The following CSMD3 variants were observed in gnomAD, a reference collection of about 807,000 sequenced individuals.
CSMD3 encodes CUB and sushi domain-containing protein 3.
CSMD3 carries 177 observed loss-of-function variants against 435.2 expected under a neutral mutation model. The observed-to-expected ratio is 0.41, with a 90% CI of 0.36 to 0.46. The LOEUF is 0.46. Ranked by LOEUF, CSMD3 falls within the 20% of genes least tolerant of loss-of-function variation. The pLI, the probability that CSMD3 is intolerant of heterozygous loss-of-function variation, is 0.34. For synonymous variants in CSMD3, 1,656 were observed against 1,520.5 expected, an observed-to-expected ratio of 1.09 and a Z score of -2.07; for missense variants, 4,265 against 4,504.6, an observed-to-expected ratio of 0.95 and a Z score of 1.52.
chr8:112,464,524 C>A (rs940165145), intron 32 of CSMD3, among the ~76,000 whole-genome samples: 2 of 151,756 alleles, frequency 1.3e-5, no homozygotes, highest in African/African-American at 2.4e-5. Context: ...GGAGACCTTC[C>A]CTCCTCTGAA....
chr8:112,541,722 C>T (rs753185428), intron 27 of CSMD3, among the ~76,000 whole-genome samples: 6 of 151,668 alleles, frequency 4.0e-5, no homozygotes, highest in Admixed American at 1.3e-4. Flanking sequence ...CACCAACCCC[C>T]GCAAATTGAA....
intron 38 of CSMD3, among the ~76,000 whole-genome samples, chr8:112,355,835 A>T (rs910368924): frequency 6.6e-6 from 1 of 152,090 alleles, no homozygotes; most frequent in Non-Finnish European, 1.5e-5. Context: ...TCTGTCAAAA[A>T]AAATAAATAG....
chr8:113,019,949 G>A (rs893660363), intron 5 of CSMD3, among the ~76,000 whole-genome samples: 1 of 151,346 alleles, frequency 6.6e-6, no homozygotes, highest in Non-Finnish European at 1.5e-5. Context: ...GGATCATGAG[G>A]TCAGGAGATC....
chr8:113,180,163 C>A (rs1355969899), intron 3 of CSMD3, among the ~76,000 whole-genome samples: 1 of 151,850 alleles, frequency 6.6e-6, no homozygotes, highest in Non-Finnish European at 1.5e-5. Context: ...GGGTTTATTT[C>A]CCAGATGATT....
chr8:113,099,061 CA>C, intron 4 of CSMD3, 98 bp from the exon 5 acceptor site: 4 of 797,382 alleles, frequency 5.0e-6, no homozygotes, highest in Non-Finnish European at 8.6e-6. Flanking sequence ...ATAAAAATAA[CA>C]GTTCAAATGT....
chr8:113,254,289 T>G (rs1011001634), intron 3 of CSMD3, among the ~76,000 whole-genome samples: 4 of 152,172 alleles, frequency 2.6e-5, no homozygotes, highest in Non-Finnish European at 5.9e-5. Flanking sequence ...GCCTAAAAAA[T>G]TGAGCTACAG....
intron 4 of CSMD3, among the ~76,000 whole-genome samples, chr8:113,168,427 A>G (rs2092197015): frequency 7.0e-6 from 1 of 143,632 alleles, no homozygotes; most frequent in East Asian, 2.2e-4. Flanking sequence ...AGGCTGAGGC[A>G]GGAGAATCGC....
At chr8:112,806,422 A>C (rs540013009) in intron 12 of CSMD3, among the ~76,000 whole-genome samples, 4 of 152,218 alleles carry the variant, frequency 2.6e-5, no homozygotes, top group African/African-American at 9.6e-5. Context: ...TAGCATATAA[A>C]CTTTTTAAAA....
chr8:112,691,948 T>A (rs1407977639), intron 13 of CSMD3, among the ~76,000 whole-genome samples: 1 of 151,706 alleles, frequency 6.6e-6, no homozygotes. Context: ...CTATAGGTGC[T>A]CGTGCCACCA....
At chr8:113,083,484 C>T (rs1404013837) in intron 5 of CSMD3, among the ~76,000 whole-genome samples, 1 of 151,958 alleles carries the variant, frequency 6.6e-6, no homozygotes, top group South Asian at 2.1e-4. Flanking sequence ...TTCATCACCC[C>T]TATAATGGTC....
At chr8:112,429,020 C>A (rs538453086) in intron 32 of CSMD3, among the ~76,000 whole-genome samples, 1 of 152,210 alleles carries the variant, frequency 6.6e-6, no homozygotes. Flanking sequence ...ATATGCATCA[C>A]CTCACAAAGT....
intron 22 of CSMD3, among the ~76,000 whole-genome samples, chr8:112,625,568 T>C (rs896785519): frequency 1.9e-4 from 29 of 152,058 alleles, no homozygotes; most frequent in Non-Finnish European, 4.0e-4. Context: ...ATGCATGAAA[T>C]AAAAGCTATC....
chr8:113,117,804 A>AT lies in CSMD3; in HGVS notation c.710-18842dup, dbSNP rs2090879844. ...AAGGAGATCATCCTGGAGCTTTAAA[A>AT]TTTGACTACCCTGCTGGATTTTGGA... is the stretch of plus-strand genomic sequence containing the variant. On this transcript the variant is annotated intron_variant, in intron 4 of 70. Transcript: ENST00000297405. 2.6e-5 allele frequency among the ~76,000 whole-genome samples: 4 copies of AT among 152,228 alleles called. No homozygotes were observed. In the South Asian group the frequency reaches 8.3e-4, roughly 31 times the overall value.
chr8:112,956,657 C>A (rs138045244), intron 7 of CSMD3, among the ~76,000 whole-genome samples: 2 of 151,996 alleles, frequency 1.3e-5, no homozygotes, highest in African/African-American at 4.8e-5. Flanking sequence ...TAAAATCCTA[C>A]GGATCAAAGA....
intron 1 of CSMD3, among the ~76,000 whole-genome samples, chr8:113,425,280 CAAAAG>C (rs986449430): frequency 3.0e-4 from 45 of 151,358 alleles, no homozygotes; most frequent in African/African-American, 9.7e-4. Context: ...TTACTTTAAT[CAAAAG>C]AAAATTATAT....
At chr8:113,187,709 A>C (rs984599926) in intron 3 of CSMD3, among the ~76,000 whole-genome samples, 17 of 151,992 alleles carry the variant, frequency 1.1e-4, no homozygotes, top group Non-Finnish European at 8.8e-5. Flanking sequence ...AGTAGAATTT[A>C]TTCAATCACC....
intron 3 of CSMD3, among the ~76,000 whole-genome samples, chr8:113,180,215 C>T (rs1261628949): frequency 1.3e-5 from 2 of 151,936 alleles, no homozygotes; most frequent in African/African-American, 4.8e-5. Context: ...TGAAACAAAA[C>T]GTTTTGCACC....
At chr8:112,870,568 G>A (rs1168002793) in intron 10 of CSMD3, among the ~76,000 whole-genome samples, 7 of 151,838 alleles carry the variant, frequency 4.6e-5, no homozygotes, top group African/African-American at 1.5e-4. Flanking sequence ...GAGCCACTGC[G>A]CCCGGCCCAG....
intron 61 of CSMD3, among the ~76,000 whole-genome samples, chr8:112,259,233 A>G (rs1472722061): frequency 6.6e-6 from 1 of 151,686 alleles, no homozygotes; most frequent in African/African-American, 2.4e-5. Context: ...AATGTGGCAT[A>G]TATACACCAT....
Sources: gnomAD v4.1 joint callset for allele counts (sites outside exome capture counted in the v4.1 genomes callset) on GRCh38, gnomAD v4.1.1 for gene constraint, MANE v1.5 for transcripts, NCBI Gene and HGNC (gene_info 2026-07-23, HGNC 2026-07-21) for gene names.